The following CPLX2 variants were observed in gnomAD, a reference collection of about 807,000 sequenced individuals.
CPLX2 encodes the protein complexin 2.
CPLX2 carries 5 observed loss-of-function variants against 16.3 expected under a neutral mutation model. That is an observed-to-expected ratio of 0.31 (90% CI 0.16 to 0.64). The LOEUF is 0.64. Among genes scored for constraint, CPLX2 ranks in the 30% least tolerant of loss-of-function variants. The pLI, the probability that CPLX2 is intolerant of heterozygous loss-of-function variation, is 0.79. For synonymous variants in CPLX2, 89 were observed against 73.2 expected (o/e 1.22, Z -1.10); for missense variants, 144 against 181.4 (o/e 0.79, Z 1.18).
At chr5:175,863,806 A>G (rs2113692717) in intron 2 of CPLX2, among the ~76,000 whole-genome samples, 1 of 152,286 alleles carries the variant, frequency 6.6e-6, no homozygotes, top group South Asian at 2.1e-4. Flanking sequence ...GACTTTCCTC[A>G]CACAGTTCCC....
At chr5:175,875,179 G>A (rs1759728980) in intron 1 of CPLX2, among the ~76,000 whole-genome samples, 1 of 152,190 alleles carries the variant, frequency 6.6e-6, no homozygotes, top group South Asian at 2.1e-4. Flanking sequence ...ACCATGTGGA[G>A]ATCACTTCAT....
upstream of CPLX2, among the ~76,000 whole-genome samples, chr5:175,868,117 G>A (rs867441896): frequency 5.3e-5 from 8 of 152,288 alleles, no homozygotes; most frequent in East Asian, 7.7e-4. Context: ...ACCCACCAAC[G>A]TAACTCCCAG....
intron 2 of CPLX2, among the ~76,000 whole-genome samples, chr5:175,838,917 G>C (rs1758893529): frequency 6.6e-6 from 1 of 152,216 alleles, no homozygotes; most frequent in Admixed American, 6.5e-5. Context: ...GGGACACCAA[G>C]ATTTAAATCC....
At chr5:175,878,568 C>G (rs1031254963) in intron 1 of CPLX2, 84 bp from the exon 2 acceptor site, 8 of 688,918 alleles carry the variant, frequency 1.2e-5, no homozygotes, top group African/African-American at 1.1e-4. Context: ...GTGTCTGAAC[C>G]AGGGTGAGGC....
chr5:175,807,694 A>G (rs578208848), intron 1 of CPLX2, among the ~76,000 whole-genome samples: 21 of 137,482 alleles, frequency 1.5e-4, no homozygotes, highest in Admixed American at 1.1e-3. Flanking sequence ...CCACTTACTC[A>G]TCATTCATTC....
chr5:175,835,576 C>T (rs1242501275), intron 2 of CPLX2, among the ~76,000 whole-genome samples: 1 of 152,100 alleles, frequency 6.6e-6, no homozygotes, highest in Non-Finnish European at 1.5e-5. Context: ...AAATGGAATC[C>T]AACCATCTGC....
chr5:175,824,675 T>C lies in CPLX2; in HGVS notation c.-89+15607T>C, dbSNP rs188091335. 7.5e-4 allele frequency among the ~76,000 whole-genome samples: 115 copies of C among 152,356 alleles called. 1 individual carries two copies. The highest frequency in any genetic ancestry group is 2.6e-3 in the African/African-American group (108 of 41,590). On this transcript the variant is annotated intron_variant, in intron 2 of 4. Transcript: ENST00000359546. ...GCCAGCACCTTCATTGTGCTCCTAC[T>C]ACGCACCAGACCCACTAGAAAGTGT...
intron 2 of CPLX2, among the ~76,000 whole-genome samples, chr5:175,850,055 C>T (rs1261356893): frequency 6.6e-6 from 1 of 152,116 alleles, no homozygotes; most frequent in African/African-American, 2.4e-5. Context: ...GGCCACACCA[C>T]GGCATCAAGG....
At chr5:175,812,307 G>C (rs757006172) in intron 2 of CPLX2, among the ~76,000 whole-genome samples, 1 of 152,210 alleles carries the variant, frequency 6.6e-6, no homozygotes, top group Non-Finnish European at 1.5e-5. Flanking sequence ...ACAGGAATGA[G>C]AACACCAGTG....
At chr5:175,825,704 C>G (rs1474367160) in intron 2 of CPLX2, among the ~76,000 whole-genome samples, 1 of 152,094 alleles carries the variant, frequency 6.6e-6, no homozygotes, top group African/African-American at 2.4e-5. Context: ...CCATCTGCTT[C>G]CACATCTGGT....
intron 1 of CPLX2, among the ~76,000 whole-genome samples, chr5:175,804,694 T>TG (rs1758163345): frequency 6.6e-6 from 1 of 152,170 alleles, no homozygotes; most frequent in African/African-American, 2.4e-5. Context: ...GAACCTGTGT[T>TG]TTAACAAGAC....
chr5:175,839,945 A>G (rs1480538627), intron 2 of CPLX2, among the ~76,000 whole-genome samples: 3 of 152,368 alleles, frequency 2.0e-5, no homozygotes, highest in Admixed American at 6.5e-5. Flanking sequence ...CTAGAAAACA[A>G]TTGCAATCAC....
intron 2 of CPLX2, among the ~76,000 whole-genome samples, chr5:175,813,282 C>T (rs898464924): frequency 6.6e-6 from 1 of 151,978 alleles, no homozygotes; most frequent in African/African-American, 2.4e-5. Context: ...TTTAAAAAGG[C>T]AAATCAATTT....
At chr5:175,875,618 A>G (rs1301642130) in intron 1 of CPLX2, among the ~76,000 whole-genome samples, 1 of 152,210 alleles carries the variant, frequency 6.6e-6, no homozygotes, top group Non-Finnish European at 1.5e-5. Flanking sequence ...TGAGTCAGGC[A>G]TGCCTAACCT....
intron 2 of CPLX2, among the ~76,000 whole-genome samples, chr5:175,812,304 T>C (rs920323803): frequency 6.6e-6 from 1 of 152,176 alleles, no homozygotes; most frequent in African/African-American, 2.4e-5. Flanking sequence ...GAGACAGGAA[T>C]GAGAACACCA....
chr5:175,834,452 A>G (rs1440829237), intron 2 of CPLX2, among the ~76,000 whole-genome samples: 1 of 152,200 alleles, frequency 6.6e-6, no homozygotes. Flanking sequence ...AGGACCTCAC[A>G]GTCTGGGAAA....
chr5:175,849,926 T>C lies in CPLX2; in HGVS notation c.-88-28726T>C, dbSNP rs2113677552. 6.6e-6 allele frequency among the ~76,000 whole-genome samples: 1 copy of C among 152,316 alleles called. No individual in the cohort carries two copies. The highest frequency in any genetic ancestry group is 2.4e-5 in the African/African-American group (1 of 41,584). On this transcript the variant is annotated intron_variant, in intron 2 of 4. Coordinates refer to the CPLX2 transcript ENST00000359546. This position sits in a 1 kb window ranked among gnomAD's most constrained non-coding sequence, Gnocchi z 4.4. The stretch of plus-strand genomic sequence containing the variant: ...CTTTGGGGGAACGACCGTGTGACTC[T>C]GAGCATGAGAAGTGTGGTTTTGGGT...
intron 3 of CPLX2, among the ~76,000 whole-genome samples, chr5:175,879,286 G>A (rs569645260): frequency 2.0e-5 from 3 of 152,210 alleles, no homozygotes; most frequent in Non-Finnish European, 4.4e-5. Context: ...GAGAATGCGC[G>A]TAGTAGGTAC....
At chr5:175,823,710 C>T (rs1758554756) in intron 2 of CPLX2, among the ~76,000 whole-genome samples, 1 of 152,174 alleles carries the variant, frequency 6.6e-6, no homozygotes, top group Non-Finnish European at 1.5e-5. Context: ...CTAAGTGACA[C>T]TTGAACCCAG....
Sources: gnomAD v4.1 joint callset for allele counts (sites outside exome capture counted in the v4.1 genomes callset) on GRCh38, gnomAD v4.1.1 for gene constraint, Gnocchi (gnomAD v3.1) non-coding constraint, MANE v1.5 for transcripts, NCBI Gene and HGNC (gene_info 2026-07-23, HGNC 2026-07-21) for gene names.